Variants in ZMYND11 observed in about 807,000 individuals in gnomAD.
The protein encoded by ZMYND11 is zinc finger MYND-type containing 11, also known as zinc finger MYND domain-containing protein 11.
Under a neutral mutation model 84.9 loss-of-function variants are expected in ZMYND11, and 9 were observed. The ratio of observed to expected loss-of-function variants is 0.11; its 90% CI spans 0.06 to 0.18. The LOEUF (loss-of-function observed/expected upper bound fraction) is 0.18. Ranked by LOEUF, ZMYND11 falls within the 10% of genes least tolerant of loss-of-function variation. ZMYND11 has a pLI of 1.00. For missense variants in ZMYND11, 409 were observed against 761.0 expected, an observed-to-expected ratio of 0.54 and a Z score of 5.44; for synonymous variants, 250 against 244.1, an observed-to-expected ratio of 1.02 and a Z score of -0.23.
At position 237,653 on chromosome 10, in the gene ZMYND11, T is replaced by G; in HGVS notation, c.585T>G (p.Ala195=). ...TGTACAGGAGGCTGGTGCACTCAGC[T>G]GTGGACGTTCCCACCATTCAAGAGG... ...HPMYRRLVHS[A]VDVPTIQEKV... is the part of the protein sequence containing the mutation. The change falls in exon 6 of 15, where the codon GCT becomes GCG. Residue 195 remains alanine (A), a synonymous_variant. Coordinates refer to ENST00000381604, the MANE Select transcript of ZMYND11 (RefSeq NM_001370100.5). 1 of 1,612,090 alleles carries G rather than the reference T, an allele frequency of 6.2e-7. No individual in the cohort carries two copies. Among genetic ancestry groups the G allele is most frequent in the Admixed American group, 1.7e-5 (1 of 59,474 alleles).
At chr10:242,190 TAAG>T (rs774947888) in intron 10 of ZMYND11, 51 bp downstream of exon 10, 26 of 1,586,160 alleles carry the variant, frequency 1.6e-5, no homozygotes, top group African/African-American at 4.1e-5. Context: ...ATGAAGTCCT[TAAG>T]AAAGTTTGAT....
chr10:170,877 G>A (rs1845164865), intron 1 of ZMYND11, among the ~76,000 whole-genome samples: 1 of 151,978 alleles, frequency 6.6e-6, no homozygotes, highest in Non-Finnish European at 1.5e-5. Context: ...CCTAAACACA[G>A]CCATTAAAAG....
chr10:235,182 T>C (rs910053582), intron 4 of ZMYND11, among the ~76,000 whole-genome samples: 4 of 152,138 alleles, frequency 2.6e-5, no homozygotes, highest in African/African-American at 9.7e-5. Context: ...TTTTAAAGAG[T>C]GGCTAACCAA....
In ZMYND11 at chr10:145,198, G is replaced by A. The variant is rs574298408; in HGVS notation, c.-20+9639G>A. Among the ~76,000 whole-genome samples, 20 of 148,682 alleles carry A rather than the reference G, an allele frequency of 1.3e-4. No individual in the cohort carries two copies. The East Asian group carries it at 3.7e-3, about 28-fold the overall frequency. On this transcript the variant is annotated intron_variant, in intron 1 of 14. Coordinates refer to ENST00000381604, the MANE Select transcript of ZMYND11 (RefSeq NM_001370100.5). ...TGTGTATATATGTGTATATACATAT[G>A]TGTGTGTATATATATGTATATATGT...
At chr10:131,979 C>T (rs1160619191), upstream of ZMYND11, among the ~76,000 whole-genome samples, 1 of 152,084 alleles carries the variant, frequency 6.6e-6, no homozygotes, top group Non-Finnish European at 1.5e-5. Flanking sequence ...CCACAGGTGA[C>T]TGGAAATCCT....
intron 1 of ZMYND11, among the ~76,000 whole-genome samples, chr10:139,406 C>T (rs1439496443): frequency 6.6e-6 from 1 of 152,052 alleles, no homozygotes; most frequent in African/African-American, 2.4e-5. Flanking sequence ...TTATTTCTAC[C>T]AATATCTCTT....
At chr10:212,648 A>G (rs1258021610) in intron 3 of ZMYND11, among the ~76,000 whole-genome samples, 2 of 151,562 alleles carry the variant, frequency 1.3e-5, no homozygotes, top group Admixed American at 1.3e-4. Flanking sequence ...TATCTATTTC[A>G]TTTGATTGTT....
At chr10:231,941 C>G (rs1333168124) in intron 4 of ZMYND11, among the ~76,000 whole-genome samples, 1 of 152,130 alleles carries the variant, frequency 6.6e-6, no homozygotes, top group Non-Finnish European at 1.5e-5. Flanking sequence ...ACAATCACTC[C>G]CGTATGCCAC....
chr10:164,450 G>A (rs1588574256), intron 1 of ZMYND11, among the ~76,000 whole-genome samples: 1 of 152,294 alleles, frequency 6.6e-6, no homozygotes, highest in Admixed American at 6.5e-5. Flanking sequence ...GTCCGTCACA[G>A]ATGAGCTGGG....
intron 4 of ZMYND11, among the ~76,000 whole-genome samples, chr10:223,230 A>G (rs1947455282): frequency 6.6e-6 from 1 of 151,964 alleles, no homozygotes. Flanking sequence ...GGGTTTTGTC[A>G]TGTTGGTGTG....
intron 14 of ZMYND11, chr10:249,531 C>A: frequency 8.1e-6 from 8 of 984,718 alleles, no homozygotes; most frequent in Non-Finnish European, 9.6e-6. Context: ...TTAAAGAAAT[C>A]AGTTACTTTT....
At chr10:186,364 C>T (rs1411081450) in intron 2 of ZMYND11, among the ~76,000 whole-genome samples, 3 of 151,818 alleles carry the variant, frequency 2.0e-5, no homozygotes, top group Non-Finnish European at 4.4e-5. Context: ...AAATTCCGGC[C>T]GGGCGCCATG....
Position 144,393 on chromosome 10 carries a change from A to AT in ZMYND11, c.-20+8841dup, listed in dbSNP as rs1280552891. On this transcript the variant is annotated intron_variant, in intron 1 of 14. Coordinates refer to ENST00000381604, the MANE Select transcript of ZMYND11 (RefSeq NM_001370100.5). ...GCCACCACACCTGGCTAATTTTTGT[A>AT]TTTTTTTGGCAGAGGGGAGAGTTTT... Among the ~76,000 whole-genome samples, 111 of 151,844 alleles carry AT rather than the reference A, an allele frequency of 7.3e-4. 1 individual carries two copies. Among genetic ancestry groups the AT allele is most frequent in the African/African-American group, 2.5e-3 (104 of 41,408 alleles).
At chr10:230,836 G>A (rs2131581588) in intron 4 of ZMYND11, among the ~76,000 whole-genome samples, 1 of 152,234 alleles carries the variant, frequency 6.6e-6, no homozygotes, top group Admixed American at 6.5e-5. Flanking sequence ...AGTAATGAGT[G>A]GCACCAGTTC....
intron 1 of ZMYND11, among the ~76,000 whole-genome samples, chr10:178,495 G>T (rs1033796409): frequency 3.3e-5 from 5 of 152,300 alleles, no homozygotes; most frequent in Admixed American, 6.5e-5. Context: ...GATTCTGAAA[G>T]TTGGTGCTCC....
At chr10:195,851 T>A (rs1216908118) in intron 2 of ZMYND11, among the ~76,000 whole-genome samples, 1 of 152,196 alleles carries the variant, frequency 6.6e-6, no homozygotes, top group African/African-American at 2.4e-5. Context: ...CTACACATAT[T>A]TTAAAATAAT....
intron 1 of ZMYND11, among the ~76,000 whole-genome samples, chr10:154,247 G>A (rs1436231099): frequency 1.3e-5 from 2 of 152,150 alleles, no homozygotes; most frequent in Non-Finnish European, 2.9e-5. Flanking sequence ...AAGGCCAGTA[G>A]CACTATAATT....
chr10:137,644 G>A (rs530925532), intron 1 of ZMYND11, among the ~76,000 whole-genome samples: 1 of 152,234 alleles, frequency 6.6e-6, no homozygotes, highest in African/African-American at 2.4e-5. Flanking sequence ...CTTTCTGGTA[G>A]GCAGGGTCAT....
chr10:246,986 C>T lies in ZMYND11; in HGVS notation c.1158+13C>T. ...CAGTAATGAGCAGGTGAGTGTGTCT[C>T]CGGAAGGAAGTGCCTATTCATTATT... On this transcript the variant is annotated intron_variant, in intron 11 of 14. Coordinates refer to ENST00000381604, the MANE Select transcript of ZMYND11 (RefSeq NM_001370100.5). 6.3e-7 allele frequency: 1 copy of T among 1,591,526 alleles called. No homozygotes were observed. Among genetic ancestry groups the T allele is most frequent in the Non-Finnish European group, 8.6e-7 (1 of 1,167,832 alleles).
Sources: allele counts gnomAD v4.1 joint callset (sites outside exome capture counted in the v4.1 genomes callset), GRCh38; gene constraint gnomAD v4.1.1; transcripts MANE v1.5; gene names NCBI Gene and HGNC (gene_info 2026-07-23, HGNC 2026-07-21).